Variants in FNIP1 observed in about 807,000 individuals in gnomAD.
The protein encoded by FNIP1 is folliculin interacting protein 1, also known as folliculin-interacting protein 1.
A neutral mutation model predicts 124.5 loss-of-function variants in FNIP1; 40 were observed. That is an observed-to-expected ratio of 0.32 (90% CI 0.25 to 0.42). The LOEUF (loss-of-function observed/expected upper bound fraction) is 0.42, where lower values mean the gene tolerates loss of function less well. Ranked by LOEUF, FNIP1 falls within the 10% of genes least tolerant of loss-of-function variation. The pLI, the probability that FNIP1 is intolerant of heterozygous loss-of-function variation, is 1.00. For synonymous variants in FNIP1, 472 were observed against 470.6 expected, an observed-to-expected ratio of 1.00 and a Z score of -0.04; for missense variants, 1,176 against 1,403.7, an observed-to-expected ratio of 0.84 and a Z score of 2.59.
intron 1 of FNIP1, among the ~76,000 whole-genome samples, chr5:131,745,727 T>C (rs767190258): frequency 1.3e-5 from 2 of 152,082 alleles, no homozygotes; most frequent in South Asian, 2.1e-4. Flanking sequence ...ATTTCAGCTA[T>C]AGGCAAAAAT....
chr5:131,675,399 C>G (rs1767880819), intron 13 of FNIP1, among the ~76,000 whole-genome samples: 1 of 152,098 alleles, frequency 6.6e-6, no homozygotes, highest in Non-Finnish European at 1.5e-5. Flanking sequence ...ATCTTTACAG[C>G]CTCTGTGCTT....
chr5:131,662,536 T>C (rs942679543), intron 15 of FNIP1, among the ~76,000 whole-genome samples: 3 of 152,188 alleles, frequency 2.0e-5, no homozygotes, highest in Non-Finnish European at 4.4e-5. Context: ...CCTTGTACTG[T>C]AGGTCAGTTG....
At chr5:131,654,344 A>G (rs911055430) in intron 15 of FNIP1, among the ~76,000 whole-genome samples, 1 of 152,222 alleles carries the variant, frequency 6.6e-6, no homozygotes, top group Non-Finnish European at 1.5e-5. Flanking sequence ...AAACTATAAT[A>G]TGAAATACTG....
At chr5:131,679,226 C>T in intron 11 of FNIP1, 51 bp from the exon 12 acceptor site, 3 of 1,066,384 alleles carry the variant, frequency 2.8e-6, no homozygotes, top group Non-Finnish European at 4.2e-6. Flanking sequence ...GAGTTACATA[C>T]TCTTAAAATA....
At chr5:131,760,909 G>A (rs1270792107) in intron 1 of FNIP1, among the ~76,000 whole-genome samples, 1 of 150,424 alleles carries the variant, frequency 6.6e-6, no homozygotes, top group African/African-American at 2.4e-5. Flanking sequence ...AGGGAGGGAG[G>A]GAGGGAGGGA....
chr5:131,713,142 G>A (rs1248420419), intron 6 of FNIP1, among the ~76,000 whole-genome samples: 7 of 151,900 alleles, frequency 4.6e-5, no homozygotes, highest in African/African-American at 1.5e-4. Context: ...TCCGCCTCCC[G>A]GGTTCACGCT....
At chr5:131,660,971 T>G (rs1360922445) in intron 15 of FNIP1, among the ~76,000 whole-genome samples, 1 of 152,180 alleles carries the variant, frequency 6.6e-6, no homozygotes, top group Admixed American at 6.5e-5. Context: ...ACTGGTCTGG[T>G]GGGTATTCTA....
At position 131,744,749 on chromosome 5, in the gene FNIP1, AT is replaced by A. The variant is rs1263200687; in HGVS notation, c.93-60del. 1.2e-4 allele frequency: 166 copies of A among 1,374,410 alleles called. 2 individuals carry two copies. The East Asian group carries it at 2.5e-3, about 21-fold the overall frequency. The allele number at this position is 1,374,410 out of a possible 1,614,324, so 85.1% of individuals were successfully genotyped here. A position where few individuals can be genotyped will look rare whatever the true frequency, so the allele number is the denominator to read the frequency against. On this transcript the variant is annotated intron_variant, in intron 1 of 17. Coordinates refer to ENST00000510461, the MANE Select transcript of FNIP1 (RefSeq NM_133372.3). ...TTAGAGTTACATTAATAAATATTCC[AT>A]ATACATTATTAGAAATAAATCTATA... is the stretch of plus-strand genomic sequence containing the variant.
chr5:131,656,642 C>T (rs1767201227), intron 15 of FNIP1, among the ~76,000 whole-genome samples: 1 of 151,976 alleles, frequency 6.6e-6, no homozygotes, highest in Non-Finnish European at 1.5e-5. Context: ...ATCAAGATAA[C>T]AGCTTTTGCT....
At chr5:131,673,830 G>C (rs1302637612) in intron 13 of FNIP1, among the ~76,000 whole-genome samples, 1 of 152,104 alleles carries the variant, frequency 6.6e-6, no homozygotes, top group Admixed American at 6.5e-5. Context: ...GAGACCAGGA[G>C]TTCAAGACCA....
intron 1 of FNIP1, among the ~76,000 whole-genome samples, chr5:131,776,771 G>A (rs1038222847): frequency 2.0e-5 from 3 of 152,210 alleles, no homozygotes; most frequent in Non-Finnish European, 4.4e-5. Context: ...AGATGAGGGA[G>A]AGTAACTAGA....
At chr5:131,773,539 T>C (rs78241736) in intron 1 of FNIP1, among the ~76,000 whole-genome samples, 1 of 152,334 alleles carries the variant, frequency 6.6e-6, no homozygotes, top group African/African-American at 2.4e-5. Context: ...AGGTATAAGG[T>C]TCCTATAACT....
At chr5:131,734,543 A>G (rs1770219422) in intron 2 of FNIP1, among the ~76,000 whole-genome samples, 1 of 152,156 alleles carries the variant, frequency 6.6e-6, no homozygotes, top group African/African-American at 2.4e-5. Context: ...ATGGGAGAAA[A>G]TTTTTGCAAC....
intron 6 of FNIP1, among the ~76,000 whole-genome samples, chr5:131,715,917 A>G (rs1025365922): frequency 2.0e-5 from 3 of 152,166 alleles, no homozygotes; most frequent in African/African-American, 7.2e-5. Flanking sequence ...TCTAATTGCT[A>G]TCCCATTCCC....
At chr5:131,736,699 C>T (rs1239406937) in intron 2 of FNIP1, among the ~76,000 whole-genome samples, 2 of 152,202 alleles carry the variant, frequency 1.3e-5, no homozygotes, top group Non-Finnish European at 2.9e-5. Flanking sequence ...AAATGCAATG[C>T]AAGATTCTCA....
intron 16 of FNIP1, 30 bp downstream of exon 16, chr5:131,651,772 A>G (rs750354938): frequency 5.0e-6 from 8 of 1,603,764 alleles, no homozygotes; most frequent in Non-Finnish European, 6.8e-6. Context: ...CAGTGCTTAA[A>G]GTAATGCAAG....
At chr5:131,651,472 T>C (rs111943916) in intron 16 of FNIP1, among the ~76,000 whole-genome samples, 10 of 152,282 alleles carry the variant, frequency 6.6e-5, no homozygotes, top group African/African-American at 2.2e-4. Context: ...GCAAGCATGG[T>C]TGGGTTCTGG....
intron 1 of FNIP1, 49 bp downstream of exon 1, chr5:131,796,781 G>C (rs1229122267): frequency 6.6e-6 from 10 of 1,521,456 alleles, no homozygotes; most frequent in Admixed American, 2.0e-5. Context: ...CTGGAGCCCG[G>C]AGCCCACAAG....
At chr5:131,784,974 CTATATATATATCA>C (rs1171362031) in intron 1 of FNIP1, among the ~76,000 whole-genome samples, 2 of 143,268 alleles carry the variant, frequency 1.4e-5, no homozygotes, top group African/African-American at 5.2e-5. Context: ...TTTCTTATAA[CTATATATATATCA>C]TATATATATG....
Sources: gnomAD v4.1 joint callset for allele counts (sites outside exome capture counted in the v4.1 genomes callset) on GRCh38, gnomAD v4.1.1 for gene constraint, MANE v1.5 for transcripts, NCBI Gene and HGNC (gene_info 2026-07-23, HGNC 2026-07-21) for gene names.